The following STK32C variants were observed in gnomAD, a reference collection of about 807,000 sequenced individuals.
STK32C encodes serine/threonine kinase 32C, also known as serine/threonine-protein kinase 32C.
In STK32C, 31 loss-of-function variants were observed where a neutral mutation model predicts 56.5. The ratio of observed to expected loss-of-function variants is 0.55; its 90% CI spans 0.41 to 0.74. The LOEUF (loss-of-function observed/expected upper bound fraction) is 0.74, where lower values mean the gene tolerates loss of function less well. STK32C is among the 30% of genes least tolerant of loss of function. STK32C has a pLI of 0.00. For synonymous variants in STK32C, 309 were observed against 289.4 expected, an observed-to-expected ratio of 1.07 and a Z score of -0.69; for missense variants, 544 against 676.9, an observed-to-expected ratio of 0.80 and a Z score of 2.18.
chr10:132,277,879 G>A (rs1253346273), intron 1 of STK32C, among the ~76,000 whole-genome samples: 1 of 152,138 alleles, frequency 6.6e-6, no homozygotes, highest in African/African-American at 2.4e-5. Flanking sequence ...GGCTGTCTCG[G>A]TGCAGGGCCA....
chr10:132,299,443 C>T (rs1343841631), intron 1 of STK32C, among the ~76,000 whole-genome samples: 1 of 149,646 alleles, frequency 6.7e-6, no homozygotes, highest in Non-Finnish European at 1.5e-5. Flanking sequence ...CAGCCAACAG[C>T]GAACTGAGAC....
chr10:132,287,698 C>G (rs2065449435), intron 1 of STK32C, among the ~76,000 whole-genome samples: 1 of 151,948 alleles, frequency 6.6e-6, no homozygotes, highest in Admixed American at 6.5e-5. Context: ...GGTGATCCAC[C>G]TGCCTCAGCC....
Position 132,292,703 on chromosome 10 carries a change from C to A in STK32C, c.262+14869G>T, listed in dbSNP as rs114125339. On this transcript the variant is annotated intron_variant, in intron 1 of 11. Transcript: ENST00000298630. The stretch of plus-strand genomic sequence containing the variant: ...AGGGGCACCCAACGCAAGACCCCCA[C>A]CCAAAGCAGGCCCTGGAATTATCGA... Among the ~76,000 whole-genome samples, 938 of 152,340 alleles carry A rather than the reference C, an allele frequency of 6.2e-3. 8 individuals carry two copies. Among genetic ancestry groups the A allele is most frequent in the African/African-American group, 0.021 (882 of 41,574 alleles).
chr10:132,240,283 A>G (rs1416760624), intron 2 of STK32C, among the ~76,000 whole-genome samples: 1 of 152,250 alleles, frequency 6.6e-6, no homozygotes, highest in Non-Finnish European at 1.5e-5. Context: ...AGGAACCCTC[A>G]GAACCAGCTC....
At chr10:132,296,062 G>T (rs559082866) in intron 1 of STK32C, among the ~76,000 whole-genome samples, 1 of 149,280 alleles carries the variant, frequency 6.7e-6, no homozygotes, top group Non-Finnish European at 1.5e-5. Context: ...GGCCAGCATC[G>T]GCAGGAAGGT....
At chr10:132,225,720 G>T in intron 5 of STK32C, 27 bp downstream of exon 5, 1 of 1,613,902 alleles carries the variant, frequency 6.2e-7, no homozygotes, top group South Asian at 1.1e-5. Context: ...CCACCCACCT[G>T]GGCTGCCCAC....
At chr10:132,225,808 G>A (rs774210431) in intron 4 of STK32C, 24 bp from the exon 5 acceptor site, 11 of 1,613,402 alleles carry the variant, frequency 6.8e-6, no homozygotes, top group East Asian at 2.2e-5. Flanking sequence ...AAAGTGGGAA[G>A]GTGAGTTGGG....
chr10:132,240,377 C>T (rs760273175), intron 2 of STK32C, among the ~76,000 whole-genome samples: 8 of 152,196 alleles, frequency 5.3e-5, no homozygotes, highest in Non-Finnish European at 7.3e-5. Context: ...CAGCCGCTGG[C>T]GGGTTGCCAT....
At chr10:132,247,331 C>A (rs2063729725) in intron 1 of STK32C, among the ~76,000 whole-genome samples, 1 of 152,200 alleles carries the variant, frequency 6.6e-6, no homozygotes, top group Admixed American at 6.5e-5. Flanking sequence ...TCCCAGGGCA[C>A]CCCAGGATAG....
intron 1 of STK32C, among the ~76,000 whole-genome samples, chr10:132,317,641 C>T (rs1314538956): frequency 6.6e-6 from 1 of 152,000 alleles, no homozygotes; most frequent in South Asian, 2.1e-4. Context: ...GTTAGAGGAT[C>T]GCCTGAGCCC....
At chr10:132,224,132 C>T (rs763884005) in intron 8 of STK32C, among the ~76,000 whole-genome samples, 8 of 152,084 alleles carry the variant, frequency 5.3e-5, no homozygotes, top group Non-Finnish European at 1.2e-4. Flanking sequence ...CACAAGCCTG[C>T]TGTGAGGGTG....
chr10:132,276,401 G>A (rs2064999335), intron 1 of STK32C, among the ~76,000 whole-genome samples: 1 of 152,164 alleles, frequency 6.6e-6, no homozygotes, highest in Non-Finnish European at 1.5e-5. Flanking sequence ...GCTACACGGT[G>A]TCTAAATGTG....
intron 1 of STK32C, among the ~76,000 whole-genome samples, chr10:132,279,663 C>T (rs2065095150): frequency 6.7e-6 from 1 of 149,272 alleles, no homozygotes; most frequent in African/African-American, 2.5e-5. Flanking sequence ...CCTCCATGAT[C>T]AAGCCACTGC....
At chr10:132,246,679 C>T (rs1358728176) in intron 1 of STK32C, among the ~76,000 whole-genome samples, 2 of 152,196 alleles carry the variant, frequency 1.3e-5, no homozygotes, top group East Asian at 3.9e-4. Context: ...GTCCGTGTGC[C>T]CTATTCACAC....
intron 10 of STK32C, among the ~76,000 whole-genome samples, chr10:132,211,530 T>C (rs2062298748): frequency 1.3e-5 from 2 of 152,354 alleles, no homozygotes; most frequent in South Asian, 4.1e-4. Context: ...CTGTGTCACC[T>C]AGATGTGTGA....
At chr10:132,230,607 C>G (rs933877043) in intron 2 of STK32C, among the ~76,000 whole-genome samples, 1 of 151,650 alleles carries the variant, frequency 6.6e-6, no homozygotes, top group African/African-American at 2.4e-5. Context: ...GGCCCTCACC[C>G]TCTGCCCCTC....
intron 1 of STK32C, among the ~76,000 whole-genome samples, chr10:132,274,170 A>T (rs1374023220): frequency 1.3e-5 from 2 of 152,222 alleles, no homozygotes; most frequent in Non-Finnish European, 2.9e-5. Context: ...CCAGACAGCA[A>T]GCACCATCCA....
intron 10 of STK32C, among the ~76,000 whole-genome samples, chr10:132,221,200 C>G (rs983818943): frequency 5.9e-5 from 9 of 151,632 alleles, no homozygotes; most frequent in African/African-American, 2.2e-4. Context: ...ACGTGGCTGT[C>G]CCGGCACACA....
rs2492647 is a variant in STK32C at position 132,298,632 on chromosome 10, C to G, written c.262+8940G>C. Among the ~76,000 whole-genome samples, 6 of 151,152 alleles carry G rather than the reference C, an allele frequency of 4.0e-5. No individual in the cohort carries two copies. In the South Asian group the frequency reaches 1.1e-3, roughly 27 times the overall value. ...AGGGGAGCGCCCTGTGTGGGGTCACCGGGGAGTTGAGCGCCGTGTGTGGGG... is the reference window on the plus strand; with the variant it reads ...AGGGGAGCGCCCTGTGTGGGGTCACGGGGGAGTTGAGCGCCGTGTGTGGGG... On this transcript the variant is annotated intron_variant, in intron 1 of 11. Coordinates refer to ENST00000298630, the MANE Select transcript of STK32C (RefSeq NM_173575.4).
Sources: gnomAD v4.1 joint callset for allele counts (sites outside exome capture counted in the v4.1 genomes callset) on GRCh38, gnomAD v4.1.1 for gene constraint, MANE v1.5 for transcripts, NCBI Gene and HGNC (gene_info 2026-07-23, HGNC 2026-07-21) for gene names.